The following PTPRT variants were observed in gnomAD, a reference collection of about 807,000 sequenced individuals.
The protein encoded by PTPRT is protein tyrosine phosphatase receptor type T, also known as receptor-type tyrosine-protein phosphatase T.
PTPRT carries 56 observed loss-of-function variants against 176.8 expected under a neutral mutation model. The ratio of observed to expected loss-of-function variants is 0.32; its 90% CI spans 0.26 to 0.40. The LOEUF is 0.40. Ranked by LOEUF, PTPRT falls within the 10% of genes least tolerant of loss-of-function variation. PTPRT has a pLI of 1.00. For synonymous variants in PTPRT, 783 were observed against 739.0 expected (o/e 1.06, Z -0.96); for missense variants, 1,540 against 1,908.2 (o/e 0.81, Z 3.60).
At chr20:42,507,189 A>G (rs1191192418) in intron 7 of PTPRT, among the ~76,000 whole-genome samples, 2 of 152,190 alleles carry the variant, frequency 1.3e-5, no homozygotes, top group African/African-American at 4.8e-5. Context: ...GAGGACCTAT[A>G]GGGCTATGCT....
chr20:42,696,872 C>A (rs1316795647), intron 6 of PTPRT, among the ~76,000 whole-genome samples: 1 of 152,166 alleles, frequency 6.6e-6, no homozygotes. Context: ...ACCCTGCTTG[C>A]AGCCTTCTGA....
chr20:42,695,711 A>C (rs1053818047), intron 6 of PTPRT, among the ~76,000 whole-genome samples: 14 of 152,214 alleles, frequency 9.2e-5, no homozygotes, highest in Non-Finnish European at 1.9e-4. Context: ...CACTACCCCA[A>C]GTTCAATTAA....
chr20:42,165,036 G>A (rs749213238), intron 16 of PTPRT, among the ~76,000 whole-genome samples: 9 of 152,046 alleles, frequency 5.9e-5, no homozygotes, highest in Non-Finnish European at 1.2e-4. Context: ...TACTGCCCGC[G>A]AGGAGCTTGT....
intron 1 of PTPRT, among the ~76,000 whole-genome samples, chr20:43,072,569 A>AG (rs1231196649): frequency 6.6e-6 from 1 of 152,130 alleles, no homozygotes; most frequent in Non-Finnish European, 1.5e-5. Context: ...AGAAAAAAAA[A>AG]CTCATTTCCA....
chr20:42,680,210 T>C (rs1339840393), intron 6 of PTPRT, among the ~76,000 whole-genome samples: 2 of 152,280 alleles, frequency 1.3e-5, no homozygotes, highest in Admixed American at 6.5e-5. Flanking sequence ...ATAATTGCTA[T>C]GAAACAGGGG....
At chr20:42,691,958 T>A (rs1325410697) in intron 6 of PTPRT, among the ~76,000 whole-genome samples, 1 of 152,190 alleles carries the variant, frequency 6.6e-6, no homozygotes, top group East Asian at 1.9e-4. Context: ...GTTCTAGGTA[T>A]TTCTAACATC....
intron 1 of PTPRT, among the ~76,000 whole-genome samples, chr20:43,068,504 C>CAAAAAAAA (rs3092671): frequency 1.8e-5 from 1 of 56,526 alleles, no homozygotes; most frequent in Non-Finnish European, 4.5e-5. Context: ...GACTCTGTCT[C>CAAAAAAAA]AAAAAAAAAA....
At chr20:42,653,247 ACATGTTTGCTTCCCCTTC>A (rs551498295) in intron 7 of PTPRT, among the ~76,000 whole-genome samples, 1 of 152,230 alleles carries the variant, frequency 6.6e-6, no homozygotes, top group East Asian at 1.9e-4. Flanking sequence ...GTGAAGAAGG[ACATGTTTGCTTCCCCTTC>A]CATGCTTGTA....
At chr20:42,763,460 T>G (rs1257393926) in intron 5 of PTPRT, among the ~76,000 whole-genome samples, 2 of 151,740 alleles carry the variant, frequency 1.3e-5, no homozygotes, top group Non-Finnish European at 2.9e-5. Context: ...GGCATCAAAA[T>G]AATAAAAAAA....
intron 7 of PTPRT, among the ~76,000 whole-genome samples, chr20:42,609,888 T>A (rs1027030032): frequency 3.3e-5 from 5 of 152,170 alleles, no homozygotes; most frequent in Admixed American, 6.5e-5. Context: ...AAAATATACA[T>A]TTCACCTCCA....
intron 1 of PTPRT, among the ~76,000 whole-genome samples, chr20:43,142,832 A>G (rs1369928804): frequency 6.6e-6 from 1 of 152,218 alleles, no homozygotes; most frequent in African/African-American, 2.4e-5. Context: ...CAGTCTGGTC[A>G]CAATCATTAA....
chr20:42,924,672 C>A (rs921892690), intron 1 of PTPRT, among the ~76,000 whole-genome samples: 4 of 152,216 alleles, frequency 2.6e-5, no homozygotes, highest in African/African-American at 9.6e-5. Flanking sequence ...ATATCCCGAT[C>A]CGTACATCAA....
chr20:43,029,850 C>A (rs1206776455), intron 1 of PTPRT, among the ~76,000 whole-genome samples: 1 of 152,182 alleles, frequency 6.6e-6, no homozygotes, highest in East Asian at 1.9e-4. Flanking sequence ...AAATCCAGCT[C>A]ATAGTTTTCT....
In PTPRT at chr20:43,124,304, G is replaced by A. The variant is rs180900898; in HGVS notation, c.88+65342C>T. 2.1e-3 allele frequency among the ~76,000 whole-genome samples: 313 copies of A among 152,224 alleles called. 1 individual carries two copies. Among genetic ancestry groups the A allele is most frequent in the Non-Finnish European group, 3.7e-3 (251 of 68,030 alleles). ...TTCGATAATTGTAAATTTCACAACC[G>A]AGCTTTGTAATCAATTACTGTTTAG... On this transcript the variant is annotated intron_variant, in intron 1 of 30. Transcript: ENST00000373187.
intron 1 of PTPRT, among the ~76,000 whole-genome samples, chr20:42,897,746 G>A (rs1297447504): frequency 6.6e-6 from 1 of 152,030 alleles, no homozygotes; most frequent in African/African-American, 2.4e-5. Context: ...TTAGTTATAT[G>A]ACCTTGGCCA....
chr20:42,940,925 C>CA (rs1249039493), intron 1 of PTPRT, among the ~76,000 whole-genome samples: 3 of 151,616 alleles, frequency 2.0e-5, no homozygotes, highest in African/African-American at 7.3e-5. Flanking sequence ...ACTAAAAATA[C>CA]AAAAAAATTA....
chr20:42,227,908 C>T (rs894248023), intron 15 of PTPRT, among the ~76,000 whole-genome samples: 1 of 152,146 alleles, frequency 6.6e-6, no homozygotes, highest in African/African-American at 2.4e-5. Context: ...CACGCCCAGC[C>T]CCCTCATTCT....
intron 29 of PTPRT, among the ~76,000 whole-genome samples, chr20:42,082,496 A>G (rs1005394228): frequency 3.9e-5 from 6 of 152,210 alleles, no homozygotes; most frequent in African/African-American, 1.4e-4. Context: ...TGATTTTCCT[A>G]CTAGTTCTTC....
chr20:42,532,922 G>A (rs1437546238), intron 7 of PTPRT, among the ~76,000 whole-genome samples: 1 of 152,102 alleles, frequency 6.6e-6, no homozygotes, highest in Non-Finnish European at 1.5e-5. Flanking sequence ...CTGAGCCCCA[G>A]AGCTAGTTAT....
Sources: gnomAD v4.1 joint callset for allele counts (sites outside exome capture counted in the v4.1 genomes callset) on GRCh38, gnomAD v4.1.1 for gene constraint, MANE v1.5 for transcripts, NCBI Gene and HGNC (gene_info 2026-07-23, HGNC 2026-07-21) for gene names.